Variants in GTPBP1 observed in about 807,000 individuals in gnomAD.
GTPBP1 encodes the protein GTP binding protein 1, also known as GTP-binding protein 1.
A neutral mutation model predicts 62.0 loss-of-function variants in GTPBP1; 23 were observed. The observed-to-expected ratio is 0.37, with a 90% CI of 0.27 to 0.53. The LOEUF (loss-of-function observed/expected upper bound fraction) is 0.53. Ranked by LOEUF, GTPBP1 falls within the 20% of genes least tolerant of loss-of-function variation. The probability of loss-of-function intolerance (pLI) is 0.89; values close to 1 mark genes in which losing one functional copy is unlikely to be tolerated. For synonymous variants in GTPBP1, 344 were observed against 364.4 expected (o/e 0.94, Z 0.64); for missense variants, 640 against 917.3 (o/e 0.70, Z 3.90).
At chr22:38,736,329 A>G (rs749399586), downstream of GTPBP1, 5 of 1,613,918 alleles carry the variant, frequency 3.1e-6, no homozygotes, top group Non-Finnish European at 2.5e-6. Context: ...GGGTGGCCCC[A>G]GTTAGTCAGG....
downstream of GTPBP1, among the ~76,000 whole-genome samples, chr22:38,737,509 G>C (rs921466086): frequency 7.2e-5 from 11 of 152,082 alleles, no homozygotes; most frequent in Admixed American, 6.6e-5. The surrounding 1 kb of genome is among the most constrained non-coding windows in gnomAD (Gnocchi z 4.1). Context: ...AATGGACATA[G>C]CTTTGTCACC....
chr22:38,709,082 A>C, intron 2 of GTPBP1, 126 bp downstream of exon 2: 1 of 587,352 alleles, frequency 1.7e-6, no homozygotes, highest in Admixed American at 2.5e-5. Context: ...CAGGAGTTCG[A>C]GACCAGCCTG....
At chr22:38,722,219 G>A (rs1234055013) in intron 5 of GTPBP1, among the ~76,000 whole-genome samples, 1 of 152,168 alleles carries the variant, frequency 6.6e-6, no homozygotes, top group African/African-American at 2.4e-5. Flanking sequence ...TGCATGATCA[G>A]TTAAGTCACT....
In GTPBP1 at chr22:38,726,380, C is replaced by G. The variant is rs757563131; in HGVS notation, c.1341C>G (p.Arg447=). 1.2e-6 allele frequency: 2 copies of G among 1,614,048 alleles called. No homozygotes were observed. Among genetic ancestry groups the G allele is most frequent in the Non-Finnish European group, 1.7e-6 (2 of 1,179,974 alleles). Residue 447 remains arginine (R), a synonymous_variant, in exon 8 of 12, where the codon CGC becomes CGG. Coordinates refer to ENST00000216044, the MANE Select transcript of GTPBP1 (RefSeq NM_004286.5). This position sits in a 1 kb window ranked among gnomAD's most constrained non-coding sequence, Gnocchi z 4.1. Reference sequence around the variant, plus strand: ...CCATTGCTGTCAAATCCATCCATCGCAAGCGCATGCCTGTCAAGGAGGTGC... The same window carrying G: ...CCATTGCTGTCAAATCCATCCATCGGAAGCGCATGCCTGTCAAGGAGGTGC... ...FLSIAVKSIH[R]KRMPVKEVRG...
intron 4 of GTPBP1, among the ~76,000 whole-genome samples, chr22:38,718,091 C>G (rs1411240620): frequency 1.3e-5 from 2 of 152,224 alleles, no homozygotes; most frequent in Non-Finnish European, 2.9e-5. Context: ...CTCGTAGGCT[C>G]TCTGCCTGAG....
At chr22:38,737,702 C>G (rs2092818304), downstream of GTPBP1, 2 of 357,518 alleles carry the variant, frequency 5.6e-6, no homozygotes, top group Non-Finnish European at 1.1e-5. This position sits in a 1 kb window ranked among gnomAD's most constrained non-coding sequence, Gnocchi z 4.1. Context: ...CTCCTGGGTC[C>G]TGTCAGCCCT....
At chr22:38,737,568 C>G (rs2092817024), downstream of GTPBP1, among the ~76,000 whole-genome samples, 1 of 152,160 alleles carries the variant, frequency 6.6e-6, no homozygotes, top group Non-Finnish European at 1.5e-5. The surrounding 1 kb of genome is among the most constrained non-coding windows in gnomAD (Gnocchi z 4.1). Flanking sequence ...TATTTCCTGC[C>G]TCTCTGTGGC....
Position 38,715,906 on chromosome 22 carries a change from G to A in GTPBP1, c.305-1G>A, listed in dbSNP as rs2092667240. The A allele has an allele frequency of 6.2e-7, 1 of 1,606,182 alleles. No individual in the cohort carries two copies. Among genetic ancestry groups the A allele is most frequent in the Non-Finnish European group, 8.5e-7 (1 of 1,176,012 alleles). ...GCTGATGTCTGGGCTCTTGTCACCA[G>A]ATGGGACTGAGTATGGGCTGAGTGA... On this transcript the variant is annotated splice_acceptor_variant, in intron 2 of 11. Coordinates refer to ENST00000216044, the MANE Select transcript of GTPBP1 (RefSeq NM_004286.5). LOFTEE classifies it high-confidence loss of function.
At chr22:38,707,987 T>C (rs1048619622) in intron 1 of GTPBP1, among the ~76,000 whole-genome samples, 1 of 152,184 alleles carries the variant, frequency 6.6e-6, no homozygotes, top group African/African-American at 2.4e-5. Flanking sequence ...GCTAGTTTCA[T>C]CCAACAAGGT....
At chr22:38,729,774 C>A in intron 11 of GTPBP1, 112 bp downstream of exon 11, 1 of 713,070 alleles carries the variant, frequency 1.4e-6, no homozygotes, top group Non-Finnish European at 2.1e-6. Context: ...AGGGTCTCCT[C>A]CACAGCTCTG....
chr22:38,738,360 C>T (rs1395182654), downstream of GTPBP1: 43 of 1,217,410 alleles, frequency 3.5e-5, no homozygotes, highest in Non-Finnish European at 4.8e-5. This position sits in a 1 kb window ranked among gnomAD's most constrained non-coding sequence, Gnocchi z 6.6. Flanking sequence ...GCAGGTCAGG[C>T]ACCAGAGTGG....
intron 4 of GTPBP1, among the ~76,000 whole-genome samples, chr22:38,721,183 G>A (rs2092698671): frequency 6.6e-6 from 1 of 152,286 alleles, no homozygotes; most frequent in South Asian, 2.1e-4. Flanking sequence ...AGATTCAAGC[G>A]ATTTTCCTGC....
downstream of GTPBP1, chr22:38,738,937 G>A (rs2092830663): frequency 6.2e-7 from 1 of 1,613,542 alleles, no homozygotes; most frequent in African/African-American, 1.3e-5. The surrounding 1 kb of genome is among the most constrained non-coding windows in gnomAD (Gnocchi z 6.6). Context: ...GCTGAGGAGG[G>A]CCGTCTTGGT....
Position 38,731,619 on chromosome 22 carries a change from A to T in GTPBP1, c.*915A>T, listed in dbSNP as rs1362406404. ...CCCCGCTTCTTGTTGGGCCTCAGGC[A>T]CTGGTTACCAGAAGGGGGTCTGGGT... On this transcript the variant is annotated 3_prime_UTR_variant, in exon 12 of 12. Coordinates refer to ENST00000216044, the MANE Select transcript of GTPBP1 (RefSeq NM_004286.5). 6.6e-6 allele frequency: 1 copy of T among 152,644 alleles called. No individual in the cohort carries two copies. Among genetic ancestry groups the T allele is most frequent in the Non-Finnish European group, 1.5e-5 (1 of 68,082 alleles). The allele number at this position is 152,644 out of a possible 1,614,324, so 9.5% of individuals were successfully genotyped here.
chr22:38,730,714 TG>T lies in GTPBP1; in HGVS notation c.*12del. 6.7e-7 allele frequency: 1 copy of T among 1,501,382 alleles called. No homozygotes were observed. Among genetic ancestry groups the T allele is most frequent in the South Asian group, 1.2e-5 (1 of 84,954 alleles). 93.0% of individuals were successfully genotyped at this position (1,501,382 alleles called of 1,614,324 possible). On this transcript the variant is annotated 3_prime_UTR_variant, in exon 12 of 12. Coordinates refer to ENST00000216044, the MANE Select transcript of GTPBP1 (RefSeq NM_004286.5). This position sits in a 1 kb window ranked among gnomAD's most constrained non-coding sequence, Gnocchi z 5.6. ...TGCCAGCGGCTGCTGAACCTTCCCC[TG>T]GCCCACCCTCACCACCCAAGGGGTC...
intron 10 of GTPBP1, chr22:38,728,974 G>A (rs1477731458): frequency 6.5e-6 from 1 of 153,362 alleles, no homozygotes; most frequent in Non-Finnish European, 1.5e-5. Context: ...GAGGCCCTGA[G>A]TTAACACTTG....
Position 38,715,936 on chromosome 22 carries a change from G to A in GTPBP1, c.334G>A (p.Asp112Asn). ...GACTGAGTATGGGCTGAGTGAAGCT[G>A]ACATGGAGGCCTCCTACGCCACAGT... ...DGTEYGLSEA[D>N]MEASYATVKS... The change falls in exon 3 of 12, where the codon GAC becomes AAC. Residue 112 changes from aspartate to asparagine, a missense_variant. Asp to Asn is a conservative substitution (Grantham distance 23). Around this residue, in one of 4 missense-constraint regions of GTPBP1, gnomAD observed 215 missense variants for 235.1 expected, o/e 0.91. Coordinates refer to ENST00000216044, the MANE Select transcript of GTPBP1 (RefSeq NM_004286.5). The A allele has an allele frequency of 6.2e-7, 1 of 1,613,880 alleles. No individual in the cohort carries two copies. The highest frequency in any genetic ancestry group is 8.5e-7 in the Non-Finnish European group (1 of 1,179,920).
At chr22:38,736,476 A>G (rs2092806431), downstream of GTPBP1, 4 of 961,956 alleles carry the variant, frequency 4.2e-6, no homozygotes, top group African/African-American at 1.7e-5. Context: ...CTAGGGCCAG[A>G]TGGCTCCCCT....
chr22:38,736,512 A>C, downstream of GTPBP1: 1 of 668,874 alleles, frequency 1.5e-6, no homozygotes, highest in Non-Finnish European at 2.4e-6. Context: ...CTCTGAAGAG[A>C]ACCAGGCTTC....
Sources: gnomAD v4.1 joint callset for allele counts (sites outside exome capture counted in the v4.1 genomes callset) on GRCh38, gnomAD v4.1.1 for gene constraint, gnomAD v4.1.1 regional missense constraint, Gnocchi (gnomAD v3.1) non-coding constraint, MANE v1.5 for transcripts, NCBI Gene and HGNC (gene_info 2026-07-23, HGNC 2026-07-21) for gene names.